The following ADGRE1 variants were observed in gnomAD, a reference collection of about 807,000 sequenced individuals.
ADGRE1 encodes adhesion G protein-coupled receptor E1, also known as EGF-like module receptor 1.
A neutral mutation model predicts 102.7 loss-of-function variants in ADGRE1; 82 were observed. The observed-to-expected ratio is 0.80, with a 90% CI of 0.67 to 0.96. ADGRE1 has a LOEUF of 0.96. ADGRE1 is among the 40% of genes least tolerant of loss of function. ADGRE1 has a pLI of 0.00. For missense variants in ADGRE1, 1,032 were observed against 1,085.3 expected (o/e 0.95, Z 0.69); for synonymous variants, 398 against 399.6 (o/e 1.00, Z 0.05).
chr19:6,889,687 CAAAA>C (rs1178774112), intron 1 of ADGRE1, among the ~76,000 whole-genome samples: 15 of 41,770 alleles, frequency 3.6e-4, no homozygotes, highest in Non-Finnish European at 6.0e-4. Context: ...GACTCCATCT[CAAAA>C]AAAAAAAAAA....
At chr19:6,888,897 C>T (rs747511322) in intron 1 of ADGRE1, among the ~76,000 whole-genome samples, 4 of 152,238 alleles carry the variant, frequency 2.6e-5, no homozygotes, top group Non-Finnish European at 5.9e-5. Flanking sequence ...ACCATTAACA[C>T]TCCCTATTCT....
intron 1 of ADGRE1, among the ~76,000 whole-genome samples, chr19:6,888,495 G>A (rs1973227958): frequency 6.6e-6 from 1 of 152,144 alleles, no homozygotes; most frequent in Non-Finnish European, 1.5e-5. Context: ...TAAGAATGGA[G>A]GATATTGGGG....
At chr19:6,910,090 A>T (rs1438005916) in intron 10 of ADGRE1, among the ~76,000 whole-genome samples, 1 of 152,090 alleles carries the variant, frequency 6.6e-6, no homozygotes, top group Admixed American at 6.5e-5. Flanking sequence ...CATTTTCTTT[A>T]TAAATCTGGT....
intron 16 of ADGRE1, among the ~76,000 whole-genome samples, chr19:6,927,484 A>G (rs959769808): frequency 1.3e-5 from 2 of 152,098 alleles, no homozygotes; most frequent in African/African-American, 4.8e-5. Context: ...GTTTGCAGTT[A>G]CACAAGCAAT....
intron 10 of ADGRE1, 38 bp from the exon 11 acceptor site, chr19:6,913,615 G>C: frequency 2.0e-6 from 3 of 1,520,016 alleles, no homozygotes; most frequent in Non-Finnish European, 2.7e-6. Context: ...ATTAATGAGA[G>C]AGAGAGAGAG....
intron 2 of ADGRE1, among the ~76,000 whole-genome samples, chr19:6,892,891 A>G (rs563765919): frequency 1.1e-4 from 17 of 152,328 alleles, no homozygotes; most frequent in African/African-American, 4.1e-4. Context: ...ACTCATAGGT[A>G]GTTGCCCTAC....
At chr19:6,928,321 C>T in intron 17 of ADGRE1, 110 bp downstream of exon 17, 1 of 1,596,916 alleles carries the variant, frequency 6.3e-7, no homozygotes, top group South Asian at 1.1e-5. Flanking sequence ...GTCACTTATT[C>T]CCATCAAAAG....
At chr19:6,924,894 T>G (rs571063039) in intron 15 of ADGRE1, 22 bp downstream of exon 15, 1 of 1,611,302 alleles carries the variant, frequency 6.2e-7, no homozygotes, top group Non-Finnish European at 8.5e-7. Flanking sequence ...TCGGGCTGTG[T>G]CCCCACCAAG....
chr19:6,906,344 G>T (rs1224444171), intron 8 of ADGRE1, 89 bp from the exon 9 acceptor site: 2 of 1,143,774 alleles, frequency 1.7e-6, no homozygotes, highest in Non-Finnish European at 2.6e-6. Context: ...TTTTAAGTCG[G>T]GCACGGGAGG....
chr19:6,910,853 A>G (rs1342654058), intron 10 of ADGRE1, among the ~76,000 whole-genome samples: 2 of 152,172 alleles, frequency 1.3e-5, no homozygotes, highest in African/African-American at 4.8e-5. Context: ...GATTACAGGC[A>G]TAAGCCACCA....
At chr19:6,898,359 C>A in intron 5 of ADGRE1, 2 of 1,597,888 alleles carry the variant, frequency 1.3e-6, no homozygotes, top group Non-Finnish European at 8.6e-7. Flanking sequence ...ATTCATCCTG[C>A]AAAAACATGT....
intron 2 of ADGRE1, among the ~76,000 whole-genome samples, chr19:6,893,501 G>A (rs1370892566): frequency 6.6e-6 from 1 of 152,062 alleles, no homozygotes; most frequent in Non-Finnish European, 1.5e-5. Context: ...ACGCCTGCCC[G>A]ATTTCATTAT....
chr19:6,925,786 A>C (rs8112731), intron 15 of ADGRE1, among the ~76,000 whole-genome samples: 83,106 of 151,818 alleles, frequency 0.55, 25,532 homozygotes, highest in African/African-American at 0.83. Flanking sequence ...CTTATAGCCT[A>C]CCAGGCTCAA....
intron 17 of ADGRE1, among the ~76,000 whole-genome samples, 160 bp from the exon 18 acceptor site, chr19:6,934,827 G>A (rs1215485354): frequency 4.0e-5 from 6 of 148,514 alleles, no homozygotes; most frequent in African/African-American, 1.5e-4. Context: ...GGCTGGTCTC[G>A]AATTCCTGAC....
At position 6,937,261 on chromosome 19, in the gene ADGRE1, C is replaced by T. The variant is rs200479110; in HGVS notation, c.2400C>T (p.Ala800=). 1.1e-5 allele frequency: 17 copies of T among 1,613,956 alleles called. No homozygotes were observed. Among genetic ancestry groups the T allele is most frequent in the Admixed American group, 3.3e-5 (2 of 60,018 alleles). ...TCCCCAGGTTACTGACCTTCAAGGCCTTTGCCCAGCTCTTCATCCTGGGCT... is the reference window on the plus strand; with the variant it reads ...TCCCCAGGTTACTGACCTTCAAGGCTTTTGCCCAGCTCTTCATCCTGGGCT... ...LKDTRLLTFK[A]FAQLFILGCS... The change falls in exon 19 of 21, where the codon GCC becomes GCT. Residue 800 remains alanine, a synonymous_variant. Coordinates refer to ENST00000312053, the MANE Select transcript of ADGRE1 (RefSeq NM_001974.5).
chr19:6,938,242 C>A (rs901203849), intron 20 of ADGRE1, among the ~76,000 whole-genome samples: 1 of 152,032 alleles, frequency 6.6e-6, no homozygotes, highest in African/African-American at 2.4e-5. Flanking sequence ...GAGGCTGAGG[C>A]AGGAGAATTG....
rs772959056 is a variant in ADGRE1 at position 6,911,385 on chromosome 19, G to GTTTTTTTTTTTTTTTTTTTTTTTTTT, written c.1123-2248_1123-2247insTTTTTTTTTTTTTTTTTTTTTTTTTT. On this transcript the variant is annotated intron_variant, in intron 10 of 20. Coordinates refer to ENST00000312053, the MANE Select transcript of ADGRE1 (RefSeq NM_001974.5). The stretch of plus-strand genomic sequence containing the variant: ...TTTATTAGGTTCTGGATTCCTTTTA[G>GTTTTTTTTTTTTTTTTTTTTTTTTTT]TTTTTTTTTTTTTTTTTTTTGCTTG... Among the ~76,000 whole-genome samples the GTTTTTTTTTTTTTTTTTTTTTTTTTT allele has an allele frequency of 2.3e-4, 18 of 79,846 alleles. 1 individual carries two copies. Among genetic ancestry groups the GTTTTTTTTTTTTTTTTTTTTTTTTTT allele is most frequent in the East Asian group, 4.0e-4 (1 of 2,504 alleles). 52.4% of individuals were successfully genotyped at this position (79,846 alleles called of 152,430 possible). A position where few individuals can be genotyped will look rare whatever the true frequency, so the allele number is the denominator to read the frequency against.
rs549715404 is a variant in ADGRE1, at chr19:6,915,375, T to G, written c.1301-874T>G. On this transcript the variant is annotated intron_variant, in intron 11 of 20. Coordinates refer to ENST00000312053, the MANE Select transcript of ADGRE1 (RefSeq NM_001974.5). ...CAGGTATGGTATTATCTGGCTTATA[T>G]TTTACAAGGATACTTCTTGTTCCAT... 6.6e-5 allele frequency among the ~76,000 whole-genome samples: 10 copies of G among 152,292 alleles called. No homozygotes were observed. The South Asian group carries it at 2.1e-3, about 32-fold the overall frequency.
In ADGRE1 at chr19:6,934,092, G is replaced by A. The variant is rs115456558; in HGVS notation, c.2290-895G>A. Among the ~76,000 whole-genome samples the A allele has an allele frequency of 6.9e-3, 1,045 of 152,220 alleles. 14 individuals carry two copies. Among genetic ancestry groups the A allele is most frequent in the African/African-American group, 0.024 (1,005 of 41,522 alleles). Reference sequence around the variant, plus strand: ...AGAGTCAGCTACCATCATCACTCGCGTTGGCTCAGACTCAAAGGCAGGCAG... The same window carrying A: ...AGAGTCAGCTACCATCATCACTCGCATTGGCTCAGACTCAAAGGCAGGCAG... On this transcript the variant is annotated intron_variant, in intron 17 of 20. Transcript: ENST00000312053.
Sources: gnomAD v4.1 joint callset for allele counts (sites outside exome capture counted in the v4.1 genomes callset) on GRCh38, gnomAD v4.1.1 for gene constraint, MANE v1.5 for transcripts, NCBI Gene and HGNC (gene_info 2026-07-23, HGNC 2026-07-21) for gene names.